CNTRL: variants seen among roughly 807,000 people sequenced by gnomAD.
CNTRL encodes the protein 110 kDa centrosomal protein.
A neutral mutation model predicts 303.7 loss-of-function variants in CNTRL; 233 were observed. The observed-to-expected ratio is 0.77, with a 90% CI of 0.69 to 0.86. The LOEUF (loss-of-function observed/expected upper bound fraction) is 0.86. Ranked by LOEUF, CNTRL falls within the 40% of genes least tolerant of loss-of-function variation. The pLI is 0.00. For synonymous variants in CNTRL, 900 were observed against 922.2 expected, an observed-to-expected ratio of 0.98 and a Z score of 0.44; for missense variants, 2,524 against 2,650.6, an observed-to-expected ratio of 0.95 and a Z score of 1.05.
rs1413268887 is a variant in CNTRL, at chr9:121,088,506, T to C, written c.180T>C (p.Asp60=). 1.9e-6 allele frequency: 3 copies of C among 1,611,604 alleles called. No individual in the cohort carries two copies. Among genetic ancestry groups the C allele is most frequent in the Non-Finnish European group, 2.5e-6 (3 of 1,177,748 alleles). Residue 60 remains aspartate (D), a synonymous_variant, in exon 3 of 44, where the codon GAT becomes GAC. Coordinates refer to ENST00000373855, the MANE Select transcript of CNTRL (RefSeq NM_007018.6). ...GQWCEQVEIA[D]ENNMLLDYQD... ...GGTGTGAGCAAGTTGAGATTGCAGA[T>C]GAAAACAATATGCTTTTGGACTATC... is the stretch of plus-strand genomic sequence containing the variant.
At chr9:121,101,663 CAAA>C (rs2049175137) in intron 7 of CNTRL, among the ~76,000 whole-genome samples, 1 of 151,622 alleles carries the variant, frequency 6.6e-6, no homozygotes, top group Admixed American at 6.6e-5. Context: ...GCAAGACTAA[CAAA>C]GAAGAAAAGA....
In CNTRL at chr9:121,113,720, T is replaced by C. The variant is rs951418960; in HGVS notation, c.1341T>C (p.Ser447=). 1 of 1,515,328 alleles carries C rather than the reference T, an allele frequency of 6.6e-7. No individual in the cohort carries two copies. Among genetic ancestry groups the C allele is most frequent in the Non-Finnish European group, 8.8e-7 (1 of 1,136,622 alleles). The allele number at this position is 1,515,328 out of a possible 1,614,324, so 93.9% of individuals were successfully genotyped here. Residue 447 remains serine (S), a synonymous_variant, in exon 10 of 44, where the codon AGT becomes AGC. Transcript: ENST00000373855. ...TQLEDKEKKI[S]AAQTRLSELH... ...TGGAAGACAAAGAAAAAAAAATAAG[T>C]GCAGGTTAAAAAAAGTTATTTTAAA...
At chr9:121,173,562 A>T in intron 41 of CNTRL, 53 bp downstream of exon 41, 1 of 1,610,044 alleles carries the variant, frequency 6.2e-7, no homozygotes, top group South Asian at 1.1e-5. Flanking sequence ...CACCTCCCCC[A>T]GCTAAGCTAA....
chr9:121,169,344 G>T (rs1035945790), intron 38 of CNTRL, among the ~76,000 whole-genome samples: 2 of 152,168 alleles, frequency 1.3e-5, no homozygotes, highest in Non-Finnish European at 2.9e-5. Context: ...CCTCTCACTG[G>T]TCTCAAAGAC....
chr9:121,100,899 G>C (rs1207892655), intron 7 of CNTRL, among the ~76,000 whole-genome samples: 1 of 152,224 alleles, frequency 6.6e-6, no homozygotes, highest in Non-Finnish European at 1.5e-5. Context: ...GGAGAATCCA[G>C]ATTCATAAAG....
intron 19 of CNTRL, among the ~76,000 whole-genome samples, chr9:121,142,741 G>A (rs2051592258): frequency 6.6e-6 from 1 of 152,104 alleles, no homozygotes; most frequent in South Asian, 2.1e-4. Flanking sequence ...ACAAACTGAA[G>A]TGTCTTGCTC....
At chr9:121,146,408 A>C in intron 23 of CNTRL, 152 bp downstream of exon 23, 1 of 776,734 alleles carries the variant, frequency 1.3e-6, no homozygotes, top group Non-Finnish European at 2.0e-6. Context: ...AATATTTGAG[A>C]TGAAAATAGG....
intron 23 of CNTRL, among the ~76,000 whole-genome samples, chr9:121,147,319 T>C (rs933159458): frequency 2.0e-5 from 3 of 152,186 alleles, no homozygotes; most frequent in Admixed American, 6.5e-5. Context: ...AGTCATGCTT[T>C]TTTAAAAGGG....
At chr9:121,146,430 G>A (rs1167035331) in intron 23 of CNTRL, among the ~76,000 whole-genome samples, 174 bp downstream of exon 23, 1 of 152,188 alleles carries the variant, frequency 6.6e-6, no homozygotes, top group Non-Finnish European at 1.5e-5. Context: ...CCTTCTTGGG[G>A]AAGGTGACAG....
chr9:121,172,240 T>G (rs2053339283), intron 40 of CNTRL, among the ~76,000 whole-genome samples: 1 of 152,252 alleles, frequency 6.6e-6, no homozygotes, highest in African/African-American at 2.4e-5. Context: ...TTTGCAAATT[T>G]GGTAAGGCAA....
chr9:121,145,072 T>C lies in CNTRL; in HGVS notation c.3168+113T>C, dbSNP rs181534062. 57 of 1,141,112 alleles carry C rather than the reference T, an allele frequency of 5.0e-5. No individual in the cohort carries two copies. In the Admixed American group the frequency reaches 9.5e-4, roughly 19 times the overall value. The allele number at this position is 1,141,112 out of a possible 1,614,324, so 70.7% of individuals were successfully genotyped here. ...ATTCTGAAGTGCAATCAATAGTTAA[T>C]AAGTACTTTATCCTCTACTGTGTGC... On this transcript the variant is annotated intron_variant, in intron 21 of 43. Coordinates refer to ENST00000373855, the MANE Select transcript of CNTRL (RefSeq NM_007018.6).
At chr9:121,075,173 TG>T (rs1215143343) in intron 1 of CNTRL, 106 bp downstream of exon 1, 11 of 340,594 alleles carry the variant, frequency 3.2e-5, no homozygotes, top group Middle Eastern at 1.0e-3. Context: ...TGGGCCGGCT[TG>T]GGATGGATTC....
chr9:121,160,943 T>C (rs1564292823), intron 32 of CNTRL, among the ~76,000 whole-genome samples: 1 of 152,192 alleles, frequency 6.6e-6, no homozygotes, highest in African/African-American at 2.4e-5. Context: ...TATGCCACTA[T>C]GCTTCAGCCT....
chr9:121,117,347 A>G (rs1481739278), intron 11 of CNTRL, among the ~76,000 whole-genome samples: 2 of 152,034 alleles, frequency 1.3e-5, no homozygotes, highest in African/African-American at 2.4e-5. Flanking sequence ...TCAGTCTTTT[A>G]TCTTCATCTT....
intron 7 of CNTRL, among the ~76,000 whole-genome samples, chr9:121,103,601 A>C (rs1285367049): frequency 6.6e-6 from 1 of 152,252 alleles, no homozygotes; most frequent in Non-Finnish European, 1.5e-5. Context: ...CTACCATCAG[A>C]GTGAACAGGC....
Position 121,098,543 on chromosome 9 carries a change from G to C in CNTRL, c.779G>C (p.Arg260Thr), listed in dbSNP as rs1337039726. The change falls in exon 7 of 44, where the codon AGA becomes ACA. Residue 260 changes from arginine (R) to threonine (T), a missense_variant. Transcript: ENST00000373855. ...GGTCAGCCAGTAACCACTCAGGATA[G>C]ACAGGAGGCTTTTGAGAGATTCAGT... ...LEGQPVTTQD[R>T]QEAFERFSLE... 1 of 1,606,456 alleles carries C rather than the reference G, an allele frequency of 6.2e-7. No individual in the cohort carries two copies. The highest frequency in any genetic ancestry group is 1.1e-5 in the South Asian group (1 of 89,098).
intron 7 of CNTRL, among the ~76,000 whole-genome samples, chr9:121,104,519 A>G (rs1271679943): frequency 1.3e-5 from 2 of 152,160 alleles, no homozygotes; most frequent in African/African-American, 4.8e-5. Flanking sequence ...TTAAAGTATA[A>G]TTAAAAAAAA....
Position 121,177,252 on chromosome 9 carries a change from G to T in CNTRL, c.*66G>T. The T allele has an allele frequency of 7.5e-7, 1 of 1,327,164 alleles. No homozygotes were observed. Among genetic ancestry groups the T allele is most frequent in the East Asian group, 2.3e-5 (1 of 42,782 alleles). The allele number at this position is 1,327,164 out of a possible 1,614,324, so 82.2% of individuals were successfully genotyped here. A position where few individuals can be genotyped will look rare whatever the true frequency, so the allele number is the denominator to read the frequency against. On this transcript the variant is annotated 3_prime_UTR_variant, in exon 44 of 44. Coordinates refer to ENST00000373855, the MANE Select transcript of CNTRL (RefSeq NM_007018.6). Reference sequence around the variant, plus strand: ...CCACTACCTCACTGACTTCATAATTGGAATGTCACATGGTTTTTTTAATCA... The same window carrying T: ...CCACTACCTCACTGACTTCATAATTTGAATGTCACATGGTTTTTTTAATCA...
rs1268920019 is a variant in CNTRL at position 121,148,715 on chromosome 9, G to C, written c.3503G>C (p.Gly1168Ala). 1 of 1,614,022 alleles carries C rather than the reference G, an allele frequency of 6.2e-7. No homozygotes were observed. The highest frequency in any genetic ancestry group is 8.5e-7 in the Non-Finnish European group (1 of 1,179,970). The change falls in exon 24 of 44, where the codon GGC becomes GCC. Residue 1168 changes from glycine (G) to alanine (A), a missense_variant. Transcript: ENST00000373855. ...CAGGCCACCAAGGACTCTGGTGTTG[G>C]CCTTAAGTACTCAGCCTCAACTCCT... ...SSQATKDSGV[G>A]LKYSASTPVR...
Sources: gnomAD v4.1 joint callset for allele counts (sites outside exome capture counted in the v4.1 genomes callset) on GRCh38, gnomAD v4.1.1 for gene constraint, MANE v1.5 for transcripts, NCBI Gene and HGNC (gene_info 2026-07-23, HGNC 2026-07-21) for gene names.